Variants in FBXL7 observed in about 807,000 individuals in gnomAD.
FBXL7 encodes F-box/LRR-repeat protein 7.
In FBXL7, 12 loss-of-function variants were observed where a neutral mutation model predicts 38.3. The observed-to-expected ratio is 0.31, with a 90% CI of 0.20 to 0.51. FBXL7 has a LOEUF of 0.51. Ranked by LOEUF, FBXL7 falls within the 20% of genes least tolerant of loss-of-function variation. The pLI is 0.98. For missense variants in FBXL7, 567 were observed against 676.4 expected (o/e 0.84, Z 1.79); for synonymous variants, 297 against 300.9 (o/e 0.99, Z 0.13).
chr5:15,511,322 T>C (rs1190739326), intron 1 of FBXL7, among the ~76,000 whole-genome samples: 2 of 152,200 alleles, frequency 1.3e-5, no homozygotes, highest in Non-Finnish European at 2.9e-5. Context: ...AGAGTGAAAG[T>C]AGAGCTGAGA....
chr5:15,917,640 GGGAGGGAA>G (rs1355672228), intron 2 of FBXL7, among the ~76,000 whole-genome samples: 1 of 39,988 alleles, frequency 2.5e-5, no homozygotes, highest in African/African-American at 8.4e-5. Context: ...AGTAAAGGAA[GGGAGGGAA>G]GGAAGGAAGG....
intron 2 of FBXL7, among the ~76,000 whole-genome samples, chr5:15,730,990 G>A (rs1002967624): frequency 1.3e-5 from 2 of 152,166 alleles, no homozygotes; most frequent in Non-Finnish European, 2.9e-5. Context: ...AAGCTAGATT[G>A]CTAAGCTCTC....
chr5:15,915,591 C>A (rs927893363), intron 2 of FBXL7, among the ~76,000 whole-genome samples: 2 of 152,194 alleles, frequency 1.3e-5, no homozygotes, highest in African/African-American at 4.8e-5. Context: ...CGTCAATAGA[C>A]CTTATTTCCA....
intron 2 of FBXL7, among the ~76,000 whole-genome samples, chr5:15,779,494 G>T (rs1736938954): frequency 6.6e-6 from 1 of 151,766 alleles, no homozygotes; most frequent in African/African-American, 2.4e-5. Flanking sequence ...TTTTTAAAAA[G>T]CTATCAAAAA....
At chr5:15,689,632 G>A (rs144470418) in intron 2 of FBXL7, among the ~76,000 whole-genome samples, 30 of 152,218 alleles carry the variant, frequency 2.0e-4, no homozygotes, top group African/African-American at 7.0e-4. Context: ...GGTTAACTAA[G>A]ATAAACAAAA....
chr5:15,880,321 C>T (rs1053183688), intron 2 of FBXL7, among the ~76,000 whole-genome samples: 3 of 152,302 alleles, frequency 2.0e-5, no homozygotes, highest in East Asian at 3.9e-4. Flanking sequence ...AAGCACCAGA[C>T]GTTTTTAGCA....
intron 2 of FBXL7, among the ~76,000 whole-genome samples, chr5:15,749,767 T>C (rs1736109436): frequency 6.6e-6 from 1 of 152,232 alleles, no homozygotes; most frequent in African/African-American, 2.4e-5. Flanking sequence ...CTGAGTGCCC[T>C]GTGGCTTGAC....
At chr5:15,549,448 A>G (rs961841041) in intron 1 of FBXL7, among the ~76,000 whole-genome samples, 1 of 152,142 alleles carries the variant, frequency 6.6e-6, no homozygotes, top group Non-Finnish European at 1.5e-5. Context: ...CACGTGGGCC[A>G]AATCCTGCCC....
intron 2 of FBXL7, among the ~76,000 whole-genome samples, chr5:15,890,679 T>A (rs554920894): frequency 6.6e-6 from 1 of 152,258 alleles, no homozygotes; most frequent in South Asian, 2.1e-4. Flanking sequence ...CCTCTGCCCC[T>A]CCCTGCATGT....
intron 1 of FBXL7, among the ~76,000 whole-genome samples, chr5:15,570,241 G>A (rs1738729631): frequency 6.6e-6 from 1 of 152,168 alleles, no homozygotes; most frequent in Admixed American, 6.5e-5. Flanking sequence ...TGGTTGGTAA[G>A]CTATTAATTC....
rs2126459333 is a variant in FBXL7, at chr5:15,928,149, G to T, written c.387G>T (p.Leu129=). 6.2e-7 allele frequency: 1 copy of T among 1,611,120 alleles called. No homozygotes were observed. Among genetic ancestry groups the T allele is most frequent in the East Asian group, 2.2e-5 (1 of 44,720 alleles). The stretch of plus-strand genomic sequence containing the variant: ...CCATGGTGCAGATCTTCTCCTTCCT[G>T]CCCACCAACCAGCTGTGCCGCTGCG... ...DHSMVQIFSF[L]PTNQLCRCAR... is the part of the protein sequence containing the mutation. Residue 129 remains leucine (L), a synonymous_variant, in exon 3 of 4, where the codon CTG becomes CTT. Transcript: ENST00000504595. The surrounding 1 kb of genome is among the most constrained non-coding windows in gnomAD (Gnocchi z 4.0).
rs1742216960 is a variant in FBXL7 at position 15,937,102 on chromosome 5, C to T, written c.1392C>T (p.Cys464=). The part of the protein sequence containing the change: ...FDLQTLNVQD[C]EVSVEALRFV... ...TCCAGACGCTGAATGTCCAGGACTG[C>T]GAGGTCTCCGTGGAGGCCCTGCGCT... The change falls in exon 4 of 4, where the codon TGC becomes TGT. Residue 464 remains cysteine, a synonymous_variant. Coordinates refer to ENST00000504595, the MANE Select transcript of FBXL7 (RefSeq NM_012304.5). 6 of 1,613,696 alleles carry T rather than the reference C, an allele frequency of 3.7e-6. No individual in the cohort carries two copies. Among genetic ancestry groups the T allele is most frequent in the Admixed American group, 1.7e-5 (1 of 59,998 alleles).
intron 2 of FBXL7, among the ~76,000 whole-genome samples, chr5:15,850,377 C>A (rs1739056294): frequency 6.6e-6 from 1 of 152,170 alleles, no homozygotes; most frequent in African/African-American, 2.4e-5. Context: ...CTCATAGCCT[C>A]CCTTGCAGAG....
intron 1 of FBXL7, chr5:15,602,422 T>G (rs2126495433): frequency 6.6e-6 from 1 of 152,204 alleles, no homozygotes; most frequent in South Asian, 2.1e-4. Flanking sequence ...CCATTAGGAA[T>G]AAATTTCTAG....
chr5:15,700,600 G>A (rs1365833436), intron 2 of FBXL7, among the ~76,000 whole-genome samples: 2 of 152,172 alleles, frequency 1.3e-5, no homozygotes, highest in Non-Finnish European at 2.9e-5. Context: ...AGCAAATGGA[G>A]TCATGCCAAT....
At chr5:15,592,559 A>G (rs1739512721) in intron 1 of FBXL7, among the ~76,000 whole-genome samples, 1 of 152,176 alleles carries the variant, frequency 6.6e-6, no homozygotes, top group Non-Finnish European at 1.5e-5. Context: ...GTTTAAGTTC[A>G]GGCTTTCCAT....
At chr5:15,542,548 C>T (rs114802167) in intron 1 of FBXL7, among the ~76,000 whole-genome samples, 1,868 of 152,244 alleles carry the variant, frequency 0.012, 45 homozygotes, top group African/African-American at 0.043. Context: ...TAGGTTCATA[C>T]GATCTTCTGT....
At chr5:15,744,360 G>A (rs1345413319) in intron 2 of FBXL7, among the ~76,000 whole-genome samples, 2 of 152,162 alleles carry the variant, frequency 1.3e-5, no homozygotes, top group Non-Finnish European at 1.5e-5. Context: ...AATGCCACCA[G>A]TCTCTTTGCA....
intron 2 of FBXL7, among the ~76,000 whole-genome samples, chr5:15,809,183 C>A (rs1737790402): frequency 6.6e-6 from 1 of 152,156 alleles, no homozygotes; most frequent in African/African-American, 2.4e-5. Flanking sequence ...TGTTCTCAAG[C>A]AGGATGGTGT....
Sources: allele counts gnomAD v4.1 joint callset (sites outside exome capture counted in the v4.1 genomes callset), GRCh38; gene constraint gnomAD v4.1.1; non-coding constraint Gnocchi (gnomAD v3.1); transcripts MANE v1.5; gene names NCBI Gene and HGNC (gene_info 2026-07-23, HGNC 2026-07-21).